The following DIAPH3 variants were observed in gnomAD, a reference collection of about 807,000 sequenced individuals.
The protein encoded by DIAPH3 is diaphanous related formin 3.
DIAPH3 carries 117 observed loss-of-function variants against 144.3 expected under a neutral mutation model. That is an observed-to-expected ratio of 0.81 (90% CI 0.70 to 0.95). DIAPH3 has a LOEUF of 0.95. Ranked by LOEUF, DIAPH3 falls within the 40% of genes least tolerant of loss-of-function variation. DIAPH3 has a pLI of 0.00. For missense variants in DIAPH3, 1,421 were observed against 1,412.7 expected, an observed-to-expected ratio of 1.01 and a Z score of -0.09; for synonymous variants, 519 against 488.9, an observed-to-expected ratio of 1.06 and a Z score of -0.81.
intron 5 of DIAPH3, among the ~76,000 whole-genome samples, chr13:60,017,060 A>G (rs1354175389): frequency 1.3e-5 from 2 of 152,332 alleles, no homozygotes; most frequent in Middle Eastern, 3.4e-3. Flanking sequence ...GTACTTATAT[A>G]TGTGATTTTA....
intron 4 of DIAPH3, among the ~76,000 whole-genome samples, chr13:60,089,485 A>T (rs1457377446): frequency 6.6e-6 from 1 of 152,152 alleles, no homozygotes; most frequent in Non-Finnish European, 1.5e-5. Flanking sequence ...TTTTATTTTT[A>T]AAAATAATGA....
Position 59,861,549 on chromosome 13 carries a change from G to A in DIAPH3, c.2608-13C>T, listed in dbSNP as rs1256039139. 3.1e-6 allele frequency: 5 copies of A among 1,612,910 alleles called. No homozygotes were observed. Among genetic ancestry groups the A allele is most frequent in the Middle Eastern group, 1.6e-4 (1 of 6,076 alleles). On this transcript the variant is annotated splice_polypyrimidine_tract_variant and intron_variant, in intron 21 of 27. Transcript: ENST00000400324. Reference sequence around the variant, plus strand: ...TTGTGTCCTTTAGCTAAATAGAACAGGAGGGAGAAAAAACACAGAGTCATA... The same window carrying A: ...TTGTGTCCTTTAGCTAAATAGAACAAGAGGGAGAAAAAACACAGAGTCATA...
Position 59,794,584 on chromosome 13 carries a change from T to G in DIAPH3, c.3163+16204A>C, listed in dbSNP as rs527751613. On this transcript the variant is annotated intron_variant, in intron 25 of 27. Coordinates refer to ENST00000400324, the MANE Select transcript of DIAPH3 (RefSeq NM_001042517.2). Reference sequence around the variant, plus strand: ...CAGATCTGTTGGATAGTGCCAGTGGTGCAAGATTTTTTTCTTCAATGCCAC... The same window carrying G: ...CAGATCTGTTGGATAGTGCCAGTGGGGCAAGATTTTTTTCTTCAATGCCAC... Among the ~76,000 whole-genome samples the G allele has an allele frequency of 1.3e-4, 20 of 152,284 alleles. No homozygotes were observed. In the South Asian group the frequency reaches 3.7e-3, roughly 28 times the overall value.
chr13:59,747,928 C>T (rs959491315), intron 27 of DIAPH3, among the ~76,000 whole-genome samples: 1 of 152,158 alleles, frequency 6.6e-6, no homozygotes, highest in Non-Finnish European at 1.5e-5. Context: ...AGGCTCTATG[C>T]CTTCCACTAT....
intron 24 of DIAPH3, among the ~76,000 whole-genome samples, chr13:59,824,198 T>C (rs1027626488): frequency 5.9e-5 from 9 of 152,182 alleles, no homozygotes; most frequent in Non-Finnish European, 1.2e-4. Context: ...AATCCTATTA[T>C]AATGAGATTG....
intron 17 of DIAPH3, among the ~76,000 whole-genome samples, chr13:59,962,564 T>G (rs567978096): frequency 6.6e-6 from 1 of 152,250 alleles, no homozygotes; most frequent in African/African-American, 2.4e-5. Flanking sequence ...CTGGCACAAG[T>G]AGTAAGGACT....
At chr13:60,038,803 T>C (rs886963058) in intron 5 of DIAPH3, among the ~76,000 whole-genome samples, 1 of 152,128 alleles carries the variant, frequency 6.6e-6, no homozygotes, top group African/African-American at 2.4e-5. Context: ...GACAGGCACG[T>C]CAAATTAAGA....
intron 25 of DIAPH3, among the ~76,000 whole-genome samples, chr13:59,799,487 A>G (rs1009095360): frequency 7.9e-5 from 12 of 152,156 alleles, no homozygotes; most frequent in Non-Finnish European, 1.6e-4. Context: ...ATTAAACTGC[A>G]TTTATAGAAA....
At chr13:59,764,402 TCCTGAGC>T (rs1845107461) in intron 27 of DIAPH3, among the ~76,000 whole-genome samples, 1 of 151,598 alleles carries the variant, frequency 6.6e-6, no homozygotes, top group Non-Finnish European at 1.5e-5. Flanking sequence ...CACCAATAAT[TCCTGAGC>T]CCTCAGAGTC....
intron 9 of DIAPH3, among the ~76,000 whole-genome samples, chr13:60,007,299 C>A (rs2052939436): frequency 1.3e-5 from 2 of 152,204 alleles, no homozygotes; most frequent in South Asian, 4.1e-4. Flanking sequence ...GATCTGCCTG[C>A]CTCAGCCTCC....
chr13:60,103,388 T>C lies in DIAPH3; in HGVS notation c.390+8622A>G, dbSNP rs759517514. ...ACAGTTAACACCACAGAGAGTCAGATTAAATTTAAAATGATTGACTATTTG... is the reference window on the plus strand; with the variant it reads ...ACAGTTAACACCACAGAGAGTCAGACTAAATTTAAAATGATTGACTATTTG... On this transcript the variant is annotated intron_variant, in intron 3 of 27. Transcript: ENST00000400324. 2.0e-5 allele frequency among the ~76,000 whole-genome samples: 3 copies of C among 152,090 alleles called. No homozygotes were observed. In the South Asian group the frequency reaches 6.2e-4, roughly 32 times the overall value.
chr13:59,911,271 A>G (rs1480026386), intron 20 of DIAPH3, among the ~76,000 whole-genome samples: 1 of 152,132 alleles, frequency 6.6e-6, no homozygotes, highest in Non-Finnish European at 1.5e-5. Context: ...ATTATCAAAG[A>G]TTTTCTAAAA....
intron 27 of DIAPH3, among the ~76,000 whole-genome samples, chr13:59,771,810 ATT>A (rs1227244638): frequency 2.0e-5 from 3 of 152,266 alleles, no homozygotes; most frequent in Non-Finnish European, 4.4e-5. Context: ...TGATAGAAAT[ATT>A]TGAGAAGGTT....
At chr13:59,692,506 A>T (rs967780941) in intron 27 of DIAPH3, among the ~76,000 whole-genome samples, 2 of 151,700 alleles carry the variant, frequency 1.3e-5, no homozygotes, top group Non-Finnish European at 1.5e-5. Flanking sequence ...CTGGACACTA[A>T]AGAATGCTGA....
At chr13:59,940,040 A>G (rs2048452148) in intron 17 of DIAPH3, among the ~76,000 whole-genome samples, 1 of 152,174 alleles carries the variant, frequency 6.6e-6, no homozygotes, top group Admixed American at 6.6e-5. Context: ...GGCTACTTAT[A>G]AAATGAAAAT....
intron 27 of DIAPH3, among the ~76,000 whole-genome samples, chr13:59,765,541 A>T (rs1253226803): frequency 3.3e-5 from 5 of 152,194 alleles, no homozygotes; most frequent in African/African-American, 1.2e-4. Flanking sequence ...GATAGTAAGT[A>T]AAGAATTTAA....
At chr13:59,753,955 C>T (rs140590373) in intron 27 of DIAPH3, among the ~76,000 whole-genome samples, 1 of 152,214 alleles carries the variant, frequency 6.6e-6, no homozygotes, top group African/African-American at 2.4e-5. Flanking sequence ...TAACCCACCC[C>T]TTCTAAAACC....
At chr13:59,755,598 A>T (rs1390454591) in intron 27 of DIAPH3, among the ~76,000 whole-genome samples, 1 of 152,178 alleles carries the variant, frequency 6.6e-6, no homozygotes, top group African/African-American at 2.4e-5. Flanking sequence ...GCCACAGATG[A>T]AACAATCTGT....
At chr13:60,155,141 G>A (rs1361034553) in intron 1 of DIAPH3, among the ~76,000 whole-genome samples, 2 of 152,200 alleles carry the variant, frequency 1.3e-5, no homozygotes, top group Non-Finnish European at 2.9e-5. Flanking sequence ...GCACAAAGGT[G>A]TTTCAGGTAA....
Sources: allele counts gnomAD v4.1 joint callset (sites outside exome capture counted in the v4.1 genomes callset), GRCh38; gene constraint gnomAD v4.1.1; transcripts MANE v1.5; gene names NCBI Gene and HGNC (gene_info 2026-07-23, HGNC 2026-07-21).